The following JARID2 variants were observed in gnomAD, a reference collection of about 807,000 sequenced individuals.
JARID2 encodes jumonji and AT-rich interaction domain containing 2, also known as protein Jumonji.
Under a neutral mutation model 125.6 loss-of-function variants are expected in JARID2, and 21 were observed. The observed-to-expected ratio is 0.17, with a 90% CI of 0.12 to 0.24. The LOEUF (loss-of-function observed/expected upper bound fraction) is 0.24, where lower values mean the gene tolerates loss of function less well. JARID2 is among the 10% of genes least tolerant of loss of function. JARID2 has a pLI of 1.00. For missense variants in JARID2, 1,303 were observed against 1,639.6 expected, an observed-to-expected ratio of 0.79 and a Z score of 3.55; for synonymous variants, 736 against 661.6, an observed-to-expected ratio of 1.11 and a Z score of -1.73.
chr6:15,483,250 T>C (rs549172544), intron 5 of JARID2, among the ~76,000 whole-genome samples: 2 of 152,306 alleles, frequency 1.3e-5, no homozygotes, highest in Non-Finnish European at 2.9e-5. Context: ...AGATGATCAT[T>C]GTATTTCTGT....
chr6:15,487,040 C>T (rs1348043386), intron 5 of JARID2, among the ~76,000 whole-genome samples: 1 of 152,086 alleles, frequency 6.6e-6, no homozygotes, highest in Non-Finnish European at 1.5e-5. Context: ...CAAAGCACTT[C>T]TTATATGGCA....
At chr6:15,403,962 G>C (rs1487552112) in intron 2 of JARID2, among the ~76,000 whole-genome samples, 1 of 152,142 alleles carries the variant, frequency 6.6e-6, no homozygotes, top group Non-Finnish European at 1.5e-5. Flanking sequence ...AATCTCCATA[G>C]CTGATTTGAC....
At chr6:15,395,249 T>C (rs985274698) in intron 2 of JARID2, among the ~76,000 whole-genome samples, 7 of 152,136 alleles carry the variant, frequency 4.6e-5, no homozygotes, top group Admixed American at 2.6e-4. Flanking sequence ...AAAAGGTGAT[T>C]ACTCACTCTT....
intron 1 of JARID2, among the ~76,000 whole-genome samples, chr6:15,336,505 A>G: frequency 6.6e-6 from 1 of 152,236 alleles, no homozygotes; most frequent in Admixed American, 6.5e-5. Context: ...GTGTACAATG[A>G]CATATAATAA....
chr6:15,379,356 TG>T (rs1417529291), intron 2 of JARID2, among the ~76,000 whole-genome samples: 2 of 152,164 alleles, frequency 1.3e-5, no homozygotes, highest in Admixed American at 1.3e-4. Context: ...CCACTTTTCA[TG>T]GATGTAATAA....
chr6:15,430,273 A>T (rs1044799066), intron 3 of JARID2, among the ~76,000 whole-genome samples: 31 of 152,210 alleles, frequency 2.0e-4, no homozygotes, highest in African/African-American at 6.5e-4. Flanking sequence ...TTATCAAGAC[A>T]ATTTCTGTGA....
At chr6:15,295,355 TCG>T (rs1259245183) in intron 1 of JARID2, among the ~76,000 whole-genome samples, 1 of 152,110 alleles carries the variant, frequency 6.6e-6, no homozygotes, top group Non-Finnish European at 1.5e-5. Flanking sequence ...TCTCCTGACC[TCG>T]TGATCCGCCT....
chr6:15,446,636 A>G (rs553614146), intron 3 of JARID2, among the ~76,000 whole-genome samples: 1 of 149,674 alleles, frequency 6.7e-6, no homozygotes, highest in South Asian at 2.1e-4. Context: ...GATCCCATAC[A>G]CTCCCATACA....
intron 1 of JARID2, among the ~76,000 whole-genome samples, chr6:15,360,216 T>C (rs572358491): frequency 6.3e-4 from 95 of 151,840 alleles, no homozygotes; most frequent in Non-Finnish European, 1.2e-3. Flanking sequence ...TGAGTCTCAC[T>C]GTGTAGCCCA....
At chr6:15,440,074 C>T (rs1767379666) in intron 3 of JARID2, among the ~76,000 whole-genome samples, 1 of 152,156 alleles carries the variant, frequency 6.6e-6, no homozygotes, top group Non-Finnish European at 1.5e-5. Context: ...TTCTTGGAAA[C>T]GTTTTGACTT....
At chr6:15,355,729 G>C (rs192587561) in intron 1 of JARID2, among the ~76,000 whole-genome samples, 10 of 151,988 alleles carry the variant, frequency 6.6e-5, no homozygotes, top group South Asian at 2.1e-4. Context: ...CTCGTGCCTC[G>C]GTCTCCAGAG....
chr6:15,350,307 A>C (rs944656934), intron 1 of JARID2, among the ~76,000 whole-genome samples: 3 of 152,228 alleles, frequency 2.0e-5, no homozygotes, highest in African/African-American at 7.2e-5. Context: ...TTGACCAAGC[A>C]CCTGAAATGA....
chr6:15,385,560 TTATC>T (rs895570429), intron 2 of JARID2, among the ~76,000 whole-genome samples: 4 of 151,618 alleles, frequency 2.6e-5, no homozygotes, highest in African/African-American at 4.8e-5. Context: ...ATATAGATAA[TTATC>T]TAATGTGTCT....
chr6:15,436,045 C>T (rs1009946176), intron 3 of JARID2, among the ~76,000 whole-genome samples: 1 of 152,144 alleles, frequency 6.6e-6, no homozygotes, highest in African/African-American at 2.4e-5. Flanking sequence ...GGTTGTAGGG[C>T]TGCAACCCCA....
intron 1 of JARID2, among the ~76,000 whole-genome samples, chr6:15,326,268 C>T (rs1762531275): frequency 6.6e-6 from 1 of 152,072 alleles, no homozygotes. Context: ...AGTGGTGGTG[C>T]CATCATAGCT....
intron 2 of JARID2, among the ~76,000 whole-genome samples, chr6:15,384,956 G>C (rs1415608746): frequency 6.6e-6 from 1 of 152,180 alleles, no homozygotes; most frequent in Non-Finnish European, 1.5e-5. Flanking sequence ...ATACTTTCTA[G>C]CTTAGGTTAT....
chr6:15,423,433 G>C (rs1343813159), intron 3 of JARID2, among the ~76,000 whole-genome samples: 1 of 152,220 alleles, frequency 6.6e-6, no homozygotes, highest in Non-Finnish European at 1.5e-5. Context: ...ATAGGAGGTA[G>C]AGTTCAACAT....
intron 1 of JARID2, among the ~76,000 whole-genome samples, chr6:15,256,103 A>G (rs1759653993): frequency 6.6e-6 from 1 of 152,200 alleles, no homozygotes; most frequent in South Asian, 2.1e-4. Context: ...GCACTTTGTA[A>G]ACTGCATACT....
intron 4 of JARID2, among the ~76,000 whole-genome samples, chr6:15,453,641 C>T (rs1428382695): frequency 3.9e-5 from 6 of 152,284 alleles, no homozygotes; most frequent in Middle Eastern, 3.4e-3. Context: ...TAATTGTATG[C>T]GTATGGGCTT....
Sources: allele counts gnomAD v4.1 joint callset (sites outside exome capture counted in the v4.1 genomes callset), GRCh38; gene constraint gnomAD v4.1.1; transcripts MANE v1.5; gene names NCBI Gene and HGNC (gene_info 2026-07-23, HGNC 2026-07-21).